Variants in EEF2 observed in about 807,000 individuals in gnomAD.
EEF2 encodes elongation factor 2.
A neutral mutation model predicts 85.3 loss-of-function variants in EEF2; 21 were observed. The ratio of observed to expected loss-of-function variants is 0.25; its 90% CI spans 0.17 to 0.35. The LOEUF is 0.35. Among genes scored for constraint, EEF2 ranks in the 10% least tolerant of loss-of-function variants. The pLI is 1.00. For missense variants in EEF2, 825 were observed against 1,225.3 expected, an observed-to-expected ratio of 0.67 and a Z score of 4.88; for synonymous variants, 723 against 508.8, an observed-to-expected ratio of 1.42 and a Z score of -5.67.
rs767415661 is a variant in EEF2, at chr19:3,977,633, G to C, written c.2068-23C>G. 1.3e-6 allele frequency: 2 copies of C among 1,499,804 alleles called. No individual in the cohort carries two copies. The highest frequency in any genetic ancestry group is 4.4e-5 in the Admixed American group (2 of 45,966). The allele number at this position is 1,499,804 out of a possible 1,614,324, so 92.9% of individuals were successfully genotyped here. ...GCCCTGGGGGAGGGGGAGAGCCACC[G>C]TCAAGGGCCGGACACACCTCGGCTG... On this transcript the variant is annotated intron_variant, in intron 12 of 14. Transcript: ENST00000309311. This position sits in a 1 kb window ranked among gnomAD's most constrained non-coding sequence, Gnocchi z 5.4.
In EEF2 at chr19:3,977,773, G is replaced by C. The variant is rs917681688; in HGVS notation, c.2067+46C>G. On this transcript the variant is annotated intron_variant, in intron 12 of 14. Transcript: ENST00000309311. This position sits in a 1 kb window ranked among gnomAD's most constrained non-coding sequence, Gnocchi z 5.4. ...GAGGCAGGACCATGAGGTCCCTCTA[G>C]AGCCTGGAAACGGGTGTGGTCTGCA... The C allele has an allele frequency of 6.6e-7, 1 of 1,525,912 alleles. No homozygotes were observed. The highest frequency in any genetic ancestry group is 8.8e-7 in the Non-Finnish European group (1 of 1,135,216). 94.5% of individuals were successfully genotyped at this position (1,525,912 alleles called of 1,614,324 possible).
In EEF2 at chr19:3,980,214, G is replaced by A. The variant is rs534679502; in HGVS notation, c.1347-148C>T. On this transcript the variant is annotated intron_variant, in intron 9 of 14. Coordinates refer to ENST00000309311, the MANE Select transcript of EEF2 (RefSeq NM_001961.4). ...TCCACAAGGCCCTGACTGCTGCGTC[G>A]GGGCTGTCAGGAAACATCCTCTTCA... The A allele has an allele frequency of 3.3e-5, 40 of 1,207,168 alleles. No individual in the cohort carries two copies. The East Asian group carries it at 3.8e-4, about 12-fold the overall frequency. 74.8% of individuals were successfully genotyped at this position (1,207,168 alleles called of 1,614,324 possible).
Position 3,983,193 on chromosome 19 carries a change from G to A in EEF2, c.317C>T (p.Pro106Leu). 6.2e-7 allele frequency: 1 copy of A among 1,614,066 alleles called. No homozygotes were observed. The highest frequency in any genetic ancestry group is 8.5e-7 in the Non-Finnish European group (1 of 1,180,014). Residue 106 changes from proline to leucine, a missense_variant, in exon 3 of 15, where the codon CCC becomes CTC. Coordinates refer to ENST00000309311, the MANE Select transcript of EEF2 (RefSeq NM_001961.4). ...AGFLINLIDSPGHVDFSSEVT... is the reference protein window; with the variant it reads ...AGFLINLIDSLGHVDFSSEVT... Reference sequence around the variant, plus strand: ...CTCCGAGGAGAAGTCGACATGCCCGGGGGAGTCAATGAGGTTGATGAGGAA... The same window carrying A: ...CTCCGAGGAGAAGTCGACATGCCCGAGGGAGTCAATGAGGTTGATGAGGAA...
intron 4 of EEF2, 129 bp from the exon 5 acceptor site, chr19:3,982,553 A>T: frequency 7.7e-7 from 1 of 1,296,800 alleles, no homozygotes; most frequent in Non-Finnish European, 1.1e-6. Flanking sequence ...AAAGTGAAGA[A>T]ATGATCAGTC....
rs200161739 is a variant in EEF2 at position 3,980,085 on chromosome 19, G to C, written c.1347-19C>G. Reference sequence around the variant, plus strand: ...GATTGTTCTGGAAGAAGCAGAAGGCGGCAGCAGGCCGCAGGGATGGTTGTG... The same window carrying C: ...GATTGTTCTGGAAGAAGCAGAAGGCCGCAGCAGGCCGCAGGGATGGTTGTG... On this transcript the variant is annotated intron_variant, in intron 9 of 14. Coordinates refer to ENST00000309311, the MANE Select transcript of EEF2 (RefSeq NM_001961.4). 1 of 1,607,274 alleles carries C rather than the reference G, an allele frequency of 6.2e-7. No homozygotes were observed. Among genetic ancestry groups the C allele is most frequent in the Non-Finnish European group, 8.5e-7 (1 of 1,176,894 alleles).
At chr19:3,981,731 C>T (rs957970976) in intron 6 of EEF2, among the ~76,000 whole-genome samples, 4 of 152,264 alleles carry the variant, frequency 2.6e-5, no homozygotes, top group African/African-American at 9.6e-5. Flanking sequence ...TATTCAACCC[C>T]CTCAATGCAG....
chr19:3,981,854 G>T, intron 6 of EEF2, 93 bp downstream of exon 6: 2 of 1,167,398 alleles, frequency 1.7e-6, no homozygotes, highest in South Asian at 1.3e-5. Flanking sequence ...ACAAGGAGAC[G>T]GGCCCAGTCA....
chr19:3,976,694 C>A lies in EEF2; in HGVS notation c.2437G>T (p.Val813Leu). 6.2e-7 allele frequency: 1 copy of A among 1,607,634 alleles called. No individual in the cohort carries two copies. Among genetic ancestry groups the A allele is most frequent in the Non-Finnish European group, 8.5e-7 (1 of 1,178,598 alleles). The change falls in exon 15 of 15, where the codon GTG (valine) becomes TTG (leucine). Residue 813 changes from valine to leucine, a missense_variant. Val to Leu is a conservative substitution (Grantham distance 32). Transcript: ENST00000309311. Reference protein sequence around the residue: ...NTGGQAFPQCVFDHWQILPGD... With the variant: ...NTGGQAFPQCLFDHWQILPGD... ...GGCAGGATCTGCCAGTGGTCAAACA[C>A]ACACTGGGGGAACGCCTGGCCGCCC...
rs771817071 is a variant in EEF2, at chr19:3,982,886, A to C, written c.533T>G (p.Phe178Cys). 6 of 1,613,578 alleles carry C rather than the reference A, an allele frequency of 3.7e-6. No homozygotes were observed. Among genetic ancestry groups the C allele is most frequent in the Admixed American group, 1.7e-5 (1 of 59,992 alleles). The change falls in exon 4 of 15, where the codon TTC becomes TGC. Residue 178 changes from phenylalanine to cysteine, a missense_variant. Physicochemically the swap from Phe to Cys is radical, Grantham distance 205. Coordinates refer to ENST00000309311, the MANE Select transcript of EEF2 (RefSeq NM_001961.4). ...QLEPEELYQT[F>C]QRIVENVNVI... ...GTTCACGTTCTCCACGATGCGCTGG[A>C]AAGTCTGGTAGAGCTCCTCGGGCTC...
rs764012242 is a variant in EEF2, at chr19:3,982,070, A to T, written c.792-18T>A. ...CAAAGTACCTGGCAAGGAGAGGCCAAGCCAAATCAAGTTAGGGTCTCCAGG... is the reference window on the plus strand; with the variant it reads ...CAAAGTACCTGGCAAGGAGAGGCCATGCCAAATCAAGTTAGGGTCTCCAGG... On this transcript the variant is annotated intron_variant, in intron 5 of 14. Transcript: ENST00000309311. The T allele has an allele frequency of 1.9e-6, 3 of 1,613,534 alleles. No homozygotes were observed. The highest frequency in any genetic ancestry group is 2.7e-5 in the African/African-American group (2 of 74,930).
Position 3,984,540 on chromosome 19 carries a change from G to A in EEF2, c.4-190C>T, listed in dbSNP as rs192560014. On this transcript the variant is annotated intron_variant, in intron 1 of 14. Transcript: ENST00000309311. ...ACCCCGCAATCTCCAAGGAACCACC[G>A]TTAATAGGTGTCATTCATGATTGAC... Among the ~76,000 whole-genome samples, 8 of 152,300 alleles carry A rather than the reference G, an allele frequency of 5.3e-5. No homozygotes were observed. In the East Asian group the frequency reaches 1.3e-3, roughly 26 times the overall value.
In EEF2 at chr19:3,976,301, C is replaced by A; in HGVS notation, c.*253G>T. The stretch of plus-strand genomic sequence containing the variant: ...AAAAGTGTTGGGTGTCCCATCCCGC[C>A]TCCCCCTCCCCGACCGGCCCATTAA... On this transcript the variant is annotated 3_prime_UTR_variant, in exon 15 of 15. Transcript: ENST00000309311. 1 of 381,224 alleles carries A rather than the reference C, an allele frequency of 2.6e-6. No homozygotes were observed. Among genetic ancestry groups the A allele is most frequent in the Non-Finnish European group, 4.8e-6 (1 of 208,510 alleles). 23.6% of individuals were successfully genotyped at this position (381,224 alleles called of 1,614,324 possible). A position where few individuals can be genotyped will look rare whatever the true frequency, so the allele number is the denominator to read the frequency against.
intron 9 of EEF2, 45 bp downstream of exon 9, chr19:3,980,469 G>A: frequency 2.5e-6 from 4 of 1,580,296 alleles, no homozygotes; most frequent in Non-Finnish European, 2.6e-6. Flanking sequence ...GCAGGGCAGG[G>A]CCCGCAACAG....
At chr19:3,981,182 T>TG (rs1342685812) in intron 7 of EEF2, among the ~76,000 whole-genome samples, 157 bp downstream of exon 7, 1 of 152,232 alleles carries the variant, frequency 6.6e-6, no homozygotes, top group African/African-American at 2.4e-5. Context: ...GGCTGGCTGC[T>TG]GGGATGTGTC....
Position 3,976,645 on chromosome 19 carries a change from C to G in EEF2, c.2486G>C (p.Ser829Thr), listed in dbSNP as rs2145354998. 6.2e-7 allele frequency: 1 copy of G among 1,609,936 alleles called. No individual in the cohort carries two copies. Among genetic ancestry groups the G allele is most frequent in the East Asian group, 2.2e-5 (1 of 44,766 alleles). The change falls in exon 15 of 15, where the codon AGC (serine) becomes ACC (threonine). Residue 829 changes from serine (S) to threonine (T), a missense_variant. Physicochemically the swap from Ser to Thr is moderately conservative, Grantham distance 58. Coordinates refer to ENST00000309311, the MANE Select transcript of EEF2 (RefSeq NM_001961.4). ...CTCCGCCACCACCTGGCTGGGGCGGCTGCTGTTGTCGAAGGGGTCTCCGGG... is the reference window on the plus strand; with the variant it reads ...CTCCGCCACCACCTGGCTGGGGCGGGTGCTGTTGTCGAAGGGGTCTCCGGG... ...ILPGDPFDNS[S>T]RPSQVVAETR...
chr19:3,983,832 C>T, intron 2 of EEF2: 1 of 452,458 alleles, frequency 2.2e-6, no homozygotes, highest in Admixed American at 3.6e-5. Flanking sequence ...CTAGAACACC[C>T]TCCCCTCCCA....
chr19:3,984,382 G>C, intron 1 of EEF2, 32 bp from the exon 2 acceptor site: 3 of 1,603,762 alleles, frequency 1.9e-6, no homozygotes, highest in Non-Finnish European at 2.6e-6. Flanking sequence ...AGACCAGCTC[G>C]TGATTTCCAG....
At chr19:3,985,158 T>TGG (rs1389637465) in intron 1 of EEF2, 8 of 443,352 alleles carry the variant, frequency 1.8e-5, no homozygotes, top group Non-Finnish European at 2.7e-5. Flanking sequence ...CAACCAGGTC[T>TGG]GGGCAAGGTT....
At chr19:3,979,656 G>C (rs1433571171) in intron 10 of EEF2, 152 bp downstream of exon 10, 2 of 1,248,444 alleles carry the variant, frequency 1.6e-6, no homozygotes, top group Non-Finnish European at 2.2e-6. Context: ...TGCCTGGGCA[G>C]GAGTCTCCAT....
Sources: allele counts gnomAD v4.1 joint callset (sites outside exome capture counted in the v4.1 genomes callset), GRCh38; gene constraint gnomAD v4.1.1; non-coding constraint Gnocchi (gnomAD v3.1); transcripts MANE v1.5; gene names NCBI Gene and HGNC (gene_info 2026-07-23, HGNC 2026-07-21).